The following RSPO3 variants were observed in gnomAD, a reference collection of about 807,000 sequenced individuals.
RSPO3 encodes R-spondin-3.
RSPO3 carries 17 observed loss-of-function variants against 36.5 expected under a neutral mutation model. That is an observed-to-expected ratio of 0.47 (90% CI 0.32 to 0.70). The LOEUF is 0.70. Among genes scored for constraint, RSPO3 ranks in the 30% least tolerant of loss-of-function variants. RSPO3 has a pLI of 0.04. For missense variants in RSPO3, 294 were observed against 322.5 expected, an observed-to-expected ratio of 0.91 and a Z score of 0.68; for synonymous variants, 108 against 107.0, an observed-to-expected ratio of 1.01 and a Z score of -0.06.
intron 1 of RSPO3, among the ~76,000 whole-genome samples, chr6:127,127,336 T>G (rs1773957923): frequency 6.6e-6 from 1 of 152,098 alleles, no homozygotes; most frequent in South Asian, 2.1e-4. Flanking sequence ...CTGTCATATA[T>G]GCAAAGCAAA....
chr6:127,163,282 G>C (rs532667268), intron 4 of RSPO3, among the ~76,000 whole-genome samples: 46 of 152,162 alleles, frequency 3.0e-4, no homozygotes, highest in African/African-American at 8.2e-4. Flanking sequence ...CCTTAAAACT[G>C]CTAGTGTTGC....
intron 1 of RSPO3, among the ~76,000 whole-genome samples, chr6:127,138,026 A>G (rs1220315550): frequency 6.6e-6 from 1 of 152,166 alleles, no homozygotes; most frequent in African/African-American, 2.4e-5. Context: ...AAAGTGTGGT[A>G]TTTATATCAC....
At chr6:127,143,698 T>C (rs1774324842) in intron 1 of RSPO3, among the ~76,000 whole-genome samples, 1 of 152,156 alleles carries the variant, frequency 6.6e-6, no homozygotes, top group African/African-American at 2.4e-5. Context: ...CATGCAATAA[T>C]GGATTTTTTT....
intron 1 of RSPO3, among the ~76,000 whole-genome samples, chr6:127,142,084 T>C (rs937505917): frequency 2.0e-5 from 3 of 152,196 alleles, no homozygotes; most frequent in Non-Finnish European, 2.9e-5. Context: ...TATAAACATG[T>C]GGTTCTTTCA....
chr6:127,139,931 T>TA (rs1360641294), intron 1 of RSPO3, among the ~76,000 whole-genome samples: 3 of 151,564 alleles, frequency 2.0e-5, no homozygotes, highest in African/African-American at 7.3e-5. Flanking sequence ...TTTTTCTACT[T>TA]GCGATTAGGA....
chr6:127,187,148 A>T (rs1009320447), intron 4 of RSPO3, among the ~76,000 whole-genome samples: 2 of 152,172 alleles, frequency 1.3e-5, no homozygotes, highest in African/African-American at 4.8e-5. Context: ...TACGAGTGTT[A>T]CAAAAAAAAG....
chr6:127,196,256 T>C lies in RSPO3; in HGVS notation c.*249T>C, dbSNP rs1582819412. 3.6e-6 allele frequency: 1 copy of C among 279,954 alleles called. No homozygotes were observed. The highest frequency in any genetic ancestry group is 5.5e-5 in the East Asian group (1 of 18,042). 17.3% of individuals were successfully genotyped at this position (279,954 alleles called of 1,614,324 possible). ...GCATTTTTAAAAGACAAGACATTCT[T>C]GTACATATTATCAATAGGCTATAAG... On this transcript the variant is annotated 3_prime_UTR_variant, in exon 5 of 5. Transcript: ENST00000356698.
intron 1 of RSPO3, among the ~76,000 whole-genome samples, chr6:127,135,987 G>T (rs1473482621): frequency 6.7e-6 from 1 of 150,246 alleles, no homozygotes; most frequent in African/African-American, 2.4e-5. Context: ...TAGCTAGGAA[G>T]ATTTGTGTGA....
intron 4 of RSPO3, among the ~76,000 whole-genome samples, chr6:127,175,271 T>C (rs1170171187): frequency 1.3e-5 from 2 of 151,756 alleles, no homozygotes; most frequent in African/African-American, 2.4e-5. Flanking sequence ...ACTTAGAAAA[T>C]AGAATTCCTT....
chr6:127,155,881 T>C (rs1008863786), intron 4 of RSPO3, among the ~76,000 whole-genome samples: 2 of 151,126 alleles, frequency 1.3e-5, no homozygotes, highest in South Asian at 2.1e-4. Flanking sequence ...TAAGTGTATA[T>C]ATATATATAT....
At chr6:127,164,665 G>A (rs1021865337) in intron 4 of RSPO3, among the ~76,000 whole-genome samples, 1 of 152,030 alleles carries the variant, frequency 6.6e-6, no homozygotes, top group Non-Finnish European at 1.5e-5. Flanking sequence ...TCTAGCTGCT[G>A]AGGGTTCTGT....
chr6:127,151,468 T>A (rs1295584494), intron 3 of RSPO3, among the ~76,000 whole-genome samples: 1 of 151,950 alleles, frequency 6.6e-6, no homozygotes, highest in Non-Finnish European at 1.5e-5. Context: ...TACAGGAACC[T>A]TTGATGCTGC....
chr6:127,177,505 A>G (rs1775079541), intron 4 of RSPO3, among the ~76,000 whole-genome samples: 1 of 151,840 alleles, frequency 6.6e-6, no homozygotes, highest in Non-Finnish European at 1.5e-5. Context: ...TCTGGAATCA[A>G]TTTGAGATTA....
At chr6:127,121,215 G>A (rs1773837820) in intron 1 of RSPO3, among the ~76,000 whole-genome samples, 1 of 152,216 alleles carries the variant, frequency 6.6e-6, no homozygotes, top group African/African-American at 2.4e-5. Context: ...TCTGAAGGAA[G>A]ACACAGGAAA....
intron 4 of RSPO3, among the ~76,000 whole-genome samples, chr6:127,167,069 A>G (rs995037533): frequency 5.9e-5 from 9 of 151,974 alleles, no homozygotes; most frequent in African/African-American, 1.7e-4. Context: ...CTTGACTATA[A>G]TGTGTTTTGC....
intron 4 of RSPO3, among the ~76,000 whole-genome samples, chr6:127,159,129 G>A (rs535780912): frequency 1.2e-4 from 18 of 152,238 alleles, no homozygotes; most frequent in Admixed American, 2.0e-4. Flanking sequence ...TCAGGAAGAT[G>A]TGTGTGCACC....
At chr6:127,122,794 C>T (rs1252647009) in intron 1 of RSPO3, among the ~76,000 whole-genome samples, 2 of 152,018 alleles carry the variant, frequency 1.3e-5, no homozygotes, top group African/African-American at 4.8e-5. Flanking sequence ...AATTAAATAC[C>T]TAATAGTAAA....
intron 4 of RSPO3, among the ~76,000 whole-genome samples, chr6:127,163,901 A>G (rs994378249): frequency 7.9e-5 from 12 of 151,958 alleles, no homozygotes; most frequent in African/African-American, 2.9e-4. Flanking sequence ...TCCTCAAACA[A>G]TATCACTTTA....
intron 4 of RSPO3, among the ~76,000 whole-genome samples, chr6:127,166,492 C>T (rs1774822988): frequency 1.3e-5 from 2 of 152,088 alleles, no homozygotes; most frequent in South Asian, 2.1e-4. Context: ...TAAGCAAATT[C>T]TTTAGCCTTT....
Sources: gnomAD v4.1 joint callset for allele counts (sites outside exome capture counted in the v4.1 genomes callset) on GRCh38, gnomAD v4.1.1 for gene constraint, MANE v1.5 for transcripts, NCBI Gene and HGNC (gene_info 2026-07-23, HGNC 2026-07-21) for gene names.